Variants in MINAR2 observed in about 807,000 individuals in gnomAD.
MINAR2 encodes the protein membrane integral NOTCH2 associated receptor 2.
A neutral mutation model predicts 16.1 loss-of-function variants in MINAR2; 21 were observed. That is an observed-to-expected ratio of 1.31 (90% CI 0.93 to 1.88). The LOEUF is 1.88. Among genes scored for constraint, MINAR2 ranks in the 40% most tolerant of loss-of-function variants. The pLI is 0.00. For synonymous variants in MINAR2, 86 were observed against 83.0 expected, an observed-to-expected ratio of 1.04 and a Z score of -0.20; for missense variants, 259 against 229.8, an observed-to-expected ratio of 1.13 and a Z score of -0.82.
At chr5:129,759,055 T>A (rs2149546247) in intron 1 of MINAR2, among the ~76,000 whole-genome samples, 1 of 152,102 alleles carries the variant, frequency 6.6e-6, no homozygotes, top group South Asian at 2.1e-4. Flanking sequence ...TTTATCTAGA[T>A]GATTTTTTTT....
intron 1 of MINAR2, among the ~76,000 whole-genome samples, chr5:129,750,034 G>C (rs906604507): frequency 2.6e-5 from 4 of 152,196 alleles, no homozygotes; most frequent in Non-Finnish European, 4.4e-5. Context: ...AAATGACCTA[G>C]TGAAGGCCAG....
At chr5:129,760,203 A>C (rs1433802043) in intron 1 of MINAR2, among the ~76,000 whole-genome samples, 175 bp from the exon 2 acceptor site, 2 of 152,122 alleles carry the variant, frequency 1.3e-5, no homozygotes, top group South Asian at 2.1e-4. Flanking sequence ...GAAAAAACTC[A>C]ATTAATGTTA....
intron 1 of MINAR2, among the ~76,000 whole-genome samples, chr5:129,756,258 T>C (rs1393475736): frequency 2.6e-5 from 4 of 152,170 alleles, no homozygotes; most frequent in African/African-American, 7.2e-5. Flanking sequence ...GTATTTTCAA[T>C]TGTTTAATAA....
At chr5:129,753,064 T>A (rs1677808395) in intron 1 of MINAR2, among the ~76,000 whole-genome samples, 1 of 152,190 alleles carries the variant, frequency 6.6e-6, no homozygotes, top group Admixed American at 6.6e-5. Flanking sequence ...TCCCATAAAT[T>A]TCAATGTCTT....
intron 1 of MINAR2, among the ~76,000 whole-genome samples, chr5:129,756,993 T>C (rs1758063755): frequency 7.0e-6 from 1 of 142,746 alleles, no homozygotes; most frequent in African/African-American, 2.6e-5. Flanking sequence ...TATACACACA[T>C]ATATACACAT....
chr5:129,749,385 G>A (rs1420041679), intron 1 of MINAR2, among the ~76,000 whole-genome samples: 2 of 152,076 alleles, frequency 1.3e-5, no homozygotes, highest in African/African-American at 2.4e-5. Flanking sequence ...TCAAAATCAA[G>A]TACACTCAAA....
At position 129,765,209 on chromosome 5, in the gene MINAR2, T is replaced by A; in HGVS notation, c.*146T>A. 1 of 453,588 alleles carries A rather than the reference T, an allele frequency of 2.2e-6. No homozygotes were observed. The highest frequency in any genetic ancestry group is 3.6e-6 in the Non-Finnish European group (1 of 276,600). 28.1% of individuals were successfully genotyped at this position (453,588 alleles called of 1,614,324 possible). A position where few individuals can be genotyped will look rare whatever the true frequency, so the allele number is the denominator to read the frequency against. ...ATTGTATTATTAAATGTAATTGTCC[T>A]GAAGAATGTGAATGTCAGGCGTGGT... is the stretch of plus-strand genomic sequence containing the variant. On this transcript the variant is annotated 3_prime_UTR_variant, in exon 3 of 3. Transcript: ENST00000564719.
intron 1 of MINAR2, among the ~76,000 whole-genome samples, chr5:129,752,512 A>C (rs1757997879): frequency 6.6e-6 from 1 of 152,186 alleles, no homozygotes; most frequent in Non-Finnish European, 1.5e-5. Context: ...CATAATAGGA[A>C]GCTGAACAAT....
intron 1 of MINAR2, among the ~76,000 whole-genome samples, chr5:129,754,881 C>A (rs757843652): frequency 4.6e-5 from 7 of 152,050 alleles, no homozygotes; most frequent in African/African-American, 7.2e-5. Context: ...GCTTCCACTG[C>A]AAAATTATAT....
intron 1 of MINAR2, among the ~76,000 whole-genome samples, chr5:129,754,727 T>C (rs2149545433): frequency 6.6e-6 from 1 of 152,328 alleles, no homozygotes; most frequent in South Asian, 2.1e-4. Context: ...GATCATTATA[T>C]ACTGATTTTG....
In MINAR2 at chr5:129,760,366, T is replaced by G; in HGVS notation, c.166-12T>G. Reference sequence around the variant, plus strand: ...CCGTTGCTAAGAGATGCCTTGTTTCTTTGCCTCTTAGAGGGAAAAGAAGAA... The same window carrying G: ...CCGTTGCTAAGAGATGCCTTGTTTCGTTGCCTCTTAGAGGGAAAAGAAGAA... On this transcript the variant is annotated splice_polypyrimidine_tract_variant and intron_variant, in intron 1 of 2. Transcript: ENST00000564719. 1 of 1,533,304 alleles carries G rather than the reference T, an allele frequency of 6.5e-7. No homozygotes were observed. The highest frequency in any genetic ancestry group is 1.2e-5 in the South Asian group (1 of 83,988). 95.0% of individuals were successfully genotyped at this position (1,533,304 alleles called of 1,614,324 possible).
intron 1 of MINAR2, among the ~76,000 whole-genome samples, chr5:129,753,550 G>C (rs181014164): frequency 3.3e-5 from 5 of 150,942 alleles, no homozygotes. Context: ...TCAGGAGTTC[G>C]AGACCAGCCT....
At chr5:129,756,418 C>A (rs962121280) in intron 1 of MINAR2, among the ~76,000 whole-genome samples, 6 of 151,732 alleles carry the variant, frequency 4.0e-5, no homozygotes, top group Admixed American at 3.3e-4. Context: ...TTTTGGTGCA[C>A]CCATCACCCA....
At chr5:129,750,862 C>T (rs141862410) in intron 1 of MINAR2, among the ~76,000 whole-genome samples, 3 of 152,188 alleles carry the variant, frequency 2.0e-5, no homozygotes, top group Non-Finnish European at 2.9e-5. Context: ...CGTCAACCTG[C>T]GTGACTAAAC....
At chr5:129,762,132 T>C (rs763560497) in intron 2 of MINAR2, among the ~76,000 whole-genome samples, 5 of 151,746 alleles carry the variant, frequency 3.3e-5, no homozygotes, top group Non-Finnish European at 5.9e-5. Flanking sequence ...TATAACTATG[T>C]AACAAACCTG....
At chr5:129,752,252 A>G (rs1040013999) in intron 1 of MINAR2, among the ~76,000 whole-genome samples, 2 of 152,190 alleles carry the variant, frequency 1.3e-5, no homozygotes, top group Non-Finnish European at 2.9e-5. Flanking sequence ...AAATCATTCT[A>G]CTATAAAGAC....
At chr5:129,752,715 T>C (rs961864189) in intron 1 of MINAR2, among the ~76,000 whole-genome samples, 2 of 151,816 alleles carry the variant, frequency 1.3e-5, no homozygotes, top group Non-Finnish European at 2.9e-5. Flanking sequence ...GTTCTGTACA[T>C]GTATCCCAGA....
intron 1 of MINAR2, among the ~76,000 whole-genome samples, chr5:129,754,522 C>T (rs912811845): frequency 6.6e-6 from 1 of 152,152 alleles, no homozygotes; most frequent in East Asian, 1.9e-4. Context: ...TTGATTCTCT[C>T]AATCCATGAC....
intron 2 of MINAR2, among the ~76,000 whole-genome samples, chr5:129,763,534 T>C (rs995404869): frequency 5.3e-5 from 8 of 152,182 alleles, no homozygotes; most frequent in African/African-American, 1.4e-4. Context: ...AAATAGTCTC[T>C]ATTAATGAAG....
Sources: allele counts gnomAD v4.1 joint callset (sites outside exome capture counted in the v4.1 genomes callset), GRCh38; gene constraint gnomAD v4.1.1; transcripts MANE v1.5; gene names NCBI Gene and HGNC (gene_info 2026-07-23, HGNC 2026-07-21).